The following KDM7A variants were observed in gnomAD, a reference collection of about 807,000 sequenced individuals.
The protein encoded by KDM7A is lysine-specific demethylase 7A.
Under a neutral mutation model 114.8 loss-of-function variants are expected in KDM7A, and 28 were observed. The observed-to-expected ratio is 0.24, with a 90% CI of 0.18 to 0.33. The LOEUF (loss-of-function observed/expected upper bound fraction) is 0.33. Among genes scored for constraint, KDM7A ranks in the 10% least tolerant of loss-of-function variants. KDM7A has a pLI of 1.00. For synonymous variants in KDM7A, 423 were observed against 397.8 expected (o/e 1.06, Z -0.75); for missense variants, 942 against 1,142.5 (o/e 0.82, Z 2.53).
chr7:140,096,762 C>T lies in KDM7A; in HGVS notation c.2167G>A (p.Glu723Lys). The change falls in exon 17 of 20, where the codon GAA (glutamate) becomes AAA (lysine). Residue 723 changes from glutamate (E) to lysine (K), a missense_variant and splice_region_variant. This residue lies in a region of KDM7A where 512 missense variants were observed against 576.6 expected (regional missense o/e 0.89). Transcript: ENST00000397560. ...PSRSEIPIKR[E>K]CPTSTSTEEE... The stretch of plus-strand genomic sequence containing the variant: ...TCTGTGCTCGTCGAGGTAGGACATT[C>T]CCTAAAGAAGAGATGATCCAAAAAC... 1.2e-6 allele frequency: 2 copies of T among 1,613,314 alleles called. No homozygotes were observed. Among genetic ancestry groups the T allele is most frequent in the Non-Finnish European group, 1.7e-6 (2 of 1,179,516 alleles).
Position 140,139,163 on chromosome 7 carries a change from A to T in KDM7A, c.222T>A (p.Ala74=). ...GSCVGVEEHH[A]VDIDLYHCPN... ...GACAGTGATACAGGTCAATGTCAAC[A>T]GCATGATGTTCTTCTACTCCAACAC... The change falls in exon 2 of 20, where the codon GCT becomes GCA. Residue 74 remains alanine, a synonymous_variant. Coordinates refer to ENST00000397560, the MANE Select transcript of KDM7A (RefSeq NM_030647.2). The T allele has an allele frequency of 3.1e-6, 5 of 1,613,536 alleles. No individual in the cohort carries two copies. Among genetic ancestry groups the T allele is most frequent in the Non-Finnish European group, 4.2e-6 (5 of 1,179,626 alleles).
At chr7:140,091,534 C>A (rs62491374) in intron 19 of KDM7A, among the ~76,000 whole-genome samples, 9,352 of 152,248 alleles carry the variant, frequency 0.061, 366 homozygotes, top group Non-Finnish European at 0.09. Context: ...CAATCCTCTG[C>A]CTTCAAAGCT....
At chr7:140,104,774 A>G (rs1303720430) in intron 11 of KDM7A, among the ~76,000 whole-genome samples, 3 of 152,072 alleles carry the variant, frequency 2.0e-5, no homozygotes, top group Non-Finnish European at 4.4e-5. Flanking sequence ...TTGGCAATGT[A>G]GGCTCTTTTT....
At chr7:140,161,272 A>C (rs1323510121) in intron 1 of KDM7A, among the ~76,000 whole-genome samples, 1 of 152,238 alleles carries the variant, frequency 6.6e-6, no homozygotes, top group Non-Finnish European at 1.5e-5. Context: ...CCACAAACCC[A>C]GTCCTTGGAG....
At chr7:140,120,992 A>G (rs1818610291) in intron 7 of KDM7A, among the ~76,000 whole-genome samples, 1 of 152,232 alleles carries the variant, frequency 6.6e-6, no homozygotes, top group South Asian at 2.1e-4. Flanking sequence ...GGTTTGAATT[A>G]GAAAAGCACA....
rs571103870 is a variant in KDM7A at position 140,175,370 on chromosome 7, G to C, written c.194+1374C>G. ...GTAGTGTTTCTGTAAAATTGGGGAGGGGGGGAGCGGAGGCTGTATTTAAAT... is the reference window on the plus strand; with the variant it reads ...GTAGTGTTTCTGTAAAATTGGGGAGCGGGGGAGCGGAGGCTGTATTTAAAT... On this transcript the variant is annotated intron_variant, in intron 1 of 19. Transcript: ENST00000397560. 1.1e-4 allele frequency among the ~76,000 whole-genome samples: 17 copies of C among 150,684 alleles called. No homozygotes were observed. The East Asian group carries it at 2.3e-3, about 21-fold the overall frequency.
chr7:140,124,869 T>C, intron 6 of KDM7A, 86 bp from the exon 7 acceptor site: 1 of 762,132 alleles, frequency 1.3e-6, no homozygotes, highest in Non-Finnish European at 2.1e-6. Flanking sequence ...AATACAATGA[T>C]ACAAATTAAA....
chr7:140,173,164 G>A (rs542870502), intron 1 of KDM7A, among the ~76,000 whole-genome samples: 3 of 152,128 alleles, frequency 2.0e-5, no homozygotes, highest in South Asian at 2.1e-4. Context: ...ATAGTGGTAC[G>A]TCCACCAAGA....
chr7:140,097,066 GGA>G lies in KDM7A; in HGVS notation c.2017-21_2017-20del. 6.3e-7 allele frequency: 1 copy of G among 1,594,928 alleles called. No homozygotes were observed. The highest frequency in any genetic ancestry group is 8.6e-7 in the Non-Finnish European group (1 of 1,167,354). ...TACTTTTCTGAGATGATAATTACAT[GGA>G]AACAAAGCTACATAAGAAATTGACC... On this transcript the variant is annotated intron_variant, in intron 15 of 19. Coordinates refer to ENST00000397560, the MANE Select transcript of KDM7A (RefSeq NM_030647.2).
chr7:140,151,635 T>C (rs952844012), intron 1 of KDM7A, among the ~76,000 whole-genome samples: 26 of 152,202 alleles, frequency 1.7e-4, no homozygotes, highest in African/African-American at 5.1e-4. Flanking sequence ...TATAATCCTC[T>C]TGTACAGGAA....
chr7:140,147,912 A>G (rs767752257), intron 1 of KDM7A, among the ~76,000 whole-genome samples: 1 of 152,204 alleles, frequency 6.6e-6, no homozygotes, highest in Non-Finnish European at 1.5e-5. Flanking sequence ...AGGTTTCTCA[A>G]TCTGCCTGAG....
intron 1 of KDM7A, among the ~76,000 whole-genome samples, chr7:140,175,312 G>C (rs187197137): frequency 6.6e-6 from 1 of 152,320 alleles, no homozygotes; most frequent in Non-Finnish European, 1.5e-5. Flanking sequence ...CCCTGGACCA[G>C]TAGAGGGAGA....
rs758563924 is a variant in KDM7A at position 140,119,094 on chromosome 7, C to T, written c.1246+19G>A. On this transcript the variant is annotated intron_variant, in intron 9 of 19. Coordinates refer to ENST00000397560, the MANE Select transcript of KDM7A (RefSeq NM_030647.2). ...CAATATGCATCATATCATATACAAA[C>T]ATGCAAATTATTAATTACCTTTCAG... is the stretch of plus-strand genomic sequence containing the variant. 3.5e-6 allele frequency: 5 copies of T among 1,432,630 alleles called. No homozygotes were observed. The Admixed American group carries it at 5.2e-5, about 15-fold the overall frequency. The allele number at this position is 1,432,630 out of a possible 1,614,324, so 88.7% of individuals were successfully genotyped here.
At chr7:140,173,778 C>T (rs557434145) in intron 1 of KDM7A, among the ~76,000 whole-genome samples, 1 of 152,040 alleles carries the variant, frequency 6.6e-6, no homozygotes, top group South Asian at 2.1e-4. Context: ...TGCTGTGTTC[C>T]GAAAAACGAT....
In KDM7A at chr7:140,091,911, C is replaced by T. The variant is rs1818026781; in HGVS notation, c.2624G>A (p.Ser875Asn). 5 of 1,614,052 alleles carry T rather than the reference C, an allele frequency of 3.1e-6. No individual in the cohort carries two copies. Among genetic ancestry groups the T allele is most frequent in the Non-Finnish European group, 3.4e-6 (4 of 1,180,000 alleles). The change falls in exon 19 of 20, where the codon AGT (serine) becomes AAT (asparagine). Residue 875 changes from serine (S) to asparagine (N), a missense_variant. Around this residue, in one of 4 missense-constraint regions of KDM7A, gnomAD observed 512 missense variants for 576.6 expected, o/e 0.89. Coordinates refer to ENST00000397560, the MANE Select transcript of KDM7A (RefSeq NM_030647.2). Reference protein sequence around the residue: ...TSGACQISNGSLSPERPVGET... With the variant: ...TSGACQISNGNLSPERPVGET... ...ACCAACTGGCCTTTCTGGGCTTAGA[C>T]TGCCATTACTTATCTGGCACGCCCC...
At chr7:140,142,554 G>C (rs1562956769) in intron 1 of KDM7A, among the ~76,000 whole-genome samples, 1 of 152,058 alleles carries the variant, frequency 6.6e-6, no homozygotes, top group Non-Finnish European at 1.5e-5. Flanking sequence ...TAAGTTAAAA[G>C]CACAATAAAT....
At chr7:140,115,919 T>A (rs1472809519) in intron 9 of KDM7A, among the ~76,000 whole-genome samples, 4 of 140,674 alleles carry the variant, frequency 2.8e-5, no homozygotes, top group African/African-American at 1.1e-4. Context: ...TATACACATA[T>A]GAAAAAAACT....
chr7:140,104,725 A>ATG (rs1243464182), intron 11 of KDM7A, among the ~76,000 whole-genome samples: 64 of 152,262 alleles, frequency 4.2e-4, no homozygotes, highest in Non-Finnish European at 6.8e-4. Context: ...GTCAGGTAGC[A>ATG]TGATGCCTCC....
chr7:140,153,195 T>A (rs190646811), intron 1 of KDM7A, among the ~76,000 whole-genome samples: 1 of 151,798 alleles, frequency 6.6e-6, no homozygotes, highest in Non-Finnish European at 1.5e-5. Context: ...AAGGAAAATA[T>A]AGGCGGTCCT....
Sources: gnomAD v4.1 joint callset for allele counts (sites outside exome capture counted in the v4.1 genomes callset) on GRCh38, gnomAD v4.1.1 for gene constraint, gnomAD v4.1.1 regional missense constraint, MANE v1.5 for transcripts, NCBI Gene and HGNC (gene_info 2026-07-23, HGNC 2026-07-21) for gene names.